The following GRAMD1B variants were observed in gnomAD, a reference collection of about 807,000 sequenced individuals.
GRAMD1B encodes GRAM domain containing 1B.
In GRAMD1B, 37 loss-of-function variants were observed where a neutral mutation model predicts 99.7. That is an observed-to-expected ratio of 0.37 (90% CI 0.29 to 0.49). The LOEUF (loss-of-function observed/expected upper bound fraction) is 0.49. Ranked by LOEUF, GRAMD1B falls within the 20% of genes least tolerant of loss-of-function variation. The probability of loss-of-function intolerance (pLI) is 0.98; values close to 1 mark genes in which losing one functional copy is unlikely to be tolerated. For missense variants in GRAMD1B, 888 were observed against 1,009.2 expected (o/e 0.88, Z 1.63); for synonymous variants, 427 against 387.6 (o/e 1.10, Z -1.19).
In GRAMD1B at chr11:123,501,445, A is replaced by G. The variant is rs1331519664; in HGVS notation, c.452+20552A>G. On this transcript the variant is annotated intron_variant, in intron 2 of 19. Coordinates refer to ENST00000635736, the MANE Select transcript of GRAMD1B (RefSeq NM_001387025.1). ...CTAGGCCTCCCAAAGAGCTGGGATT[A>G]CAGGTGTGAGCCACTGCGCCAGCCT... is the stretch of plus-strand genomic sequence containing the variant. 2.0e-5 allele frequency among the ~76,000 whole-genome samples: 3 copies of G among 152,202 alleles called. No individual in the cohort carries two copies. The East Asian group carries it at 5.8e-4, about 29-fold the overall frequency.
intron 1 of GRAMD1B, among the ~76,000 whole-genome samples, chr11:123,467,579 G>A (rs558788161): frequency 1.3e-5 from 2 of 152,110 alleles, no homozygotes; most frequent in South Asian, 4.2e-4. Flanking sequence ...CCTGGCATTA[G>A]GAAGATTCTG....
chr11:123,558,140 T>G (rs1946352354), intron 2 of GRAMD1B, among the ~76,000 whole-genome samples: 1 of 151,972 alleles, frequency 6.6e-6, no homozygotes, highest in Non-Finnish European at 1.5e-5. Flanking sequence ...TGTGCCACTA[T>G]GCCTGGCTAA....
intron 4 of GRAMD1B, among the ~76,000 whole-genome samples, chr11:123,592,425 A>G (rs1006460031): frequency 6.6e-6 from 1 of 152,162 alleles, no homozygotes; most frequent in Non-Finnish European, 1.5e-5. Context: ...GCAAAATGGG[A>G]TAATAAAAAT....
chr11:123,523,229 G>C (rs1034390928), intron 2 of GRAMD1B, among the ~76,000 whole-genome samples: 12 of 152,212 alleles, frequency 7.9e-5, no homozygotes, highest in African/African-American at 2.7e-4. Flanking sequence ...CTACTCGGGA[G>C]ACTGAGGCAG....
intron 1 of GRAMD1B, among the ~76,000 whole-genome samples, chr11:123,363,398 A>G (rs575903157): frequency 2.0e-5 from 3 of 152,320 alleles, no homozygotes; most frequent in South Asian, 4.1e-4. Context: ...AGAGAGTGGC[A>G]GACATGAAGC....
chr11:123,525,743 C>T lies in GRAMD1B; in HGVS notation c.452+44850C>T, dbSNP rs144382876. 3.4e-5 allele frequency: 8 copies of T among 233,868 alleles called. No homozygotes were observed. The East Asian group carries it at 8.5e-4, about 25-fold the overall frequency. 14.5% of individuals were successfully genotyped at this position (233,868 alleles called of 1,614,324 possible). A position where few individuals can be genotyped will look rare whatever the true frequency, so the allele number is the denominator to read the frequency against. The stretch of plus-strand genomic sequence containing the variant: ...TCCTTGGCTTCCTTCCCCAAAGCAG[C>T]TCAGAGCTGGTATGAGGTGAGGGTG... On this transcript the variant is annotated intron_variant, in intron 2 of 19. Transcript: ENST00000635736.
intron 1 of GRAMD1B, among the ~76,000 whole-genome samples, chr11:123,395,220 T>A (rs1947417976): frequency 6.6e-6 from 1 of 152,116 alleles, no homozygotes; most frequent in Non-Finnish European, 1.5e-5. Flanking sequence ...GGAAAGAAAA[T>A]TTCTGCAAAG....
chr11:123,599,002 T>G (rs1460615611), intron 7 of GRAMD1B: 1 of 1,085,446 alleles, frequency 9.2e-7, no homozygotes, highest in Non-Finnish European at 1.4e-6. Flanking sequence ...GCCTTCAGGT[T>G]AATGTACTTG....
intron 1 of GRAMD1B, among the ~76,000 whole-genome samples, chr11:123,444,146 A>C (rs536774208): frequency 2.0e-5 from 3 of 152,120 alleles, no homozygotes; most frequent in Non-Finnish European, 4.4e-5. Flanking sequence ...TAGTTATGTT[A>C]ATAGAGATTC....
intron 1 of GRAMD1B, among the ~76,000 whole-genome samples, chr11:123,398,896 T>C (rs181236585): frequency 6.6e-6 from 1 of 152,264 alleles, no homozygotes; most frequent in Non-Finnish European, 1.5e-5. Flanking sequence ...TCCAAAAATT[T>C]CCTCCCACCC....
rs1452259318 is a variant in GRAMD1B at position 123,522,278 on chromosome 11, A to G, written c.452+41385A>G. ...AGTCTTTACCTCAGAAAGCACTTCA[A>G]TGTCTCTTCAAAGCTATGTTTGGAT... On this transcript the variant is annotated intron_variant, in intron 2 of 19. Transcript: ENST00000635736. 7.2e-5 allele frequency among the ~76,000 whole-genome samples: 11 copies of G among 152,252 alleles called. 1 individual carries two copies. The highest frequency in any genetic ancestry group is 3.9e-4 in the Admixed American group (6 of 15,298).
chr11:123,526,029 C>A, intron 2 of GRAMD1B: 1 of 822,048 alleles, frequency 1.2e-6, no homozygotes, highest in Non-Finnish European at 2.1e-6. Flanking sequence ...GTGTTCAAGT[C>A]ACATTACATG....
At chr11:123,611,303 C>T (rs567076532) in intron 14 of GRAMD1B, among the ~76,000 whole-genome samples, 3 of 152,014 alleles carry the variant, frequency 2.0e-5, no homozygotes, top group African/African-American at 7.2e-5. Context: ...GGAGTGGTGG[C>T]GTGTACTGTA....
At chr11:123,486,602 TAGAATATTG>T (rs11279293) in intron 2 of GRAMD1B, among the ~76,000 whole-genome samples, 25,156 of 150,442 alleles carry the variant, frequency 0.17, 2,202 homozygotes, top group Middle Eastern at 0.22. Flanking sequence ...AAAGAAAGTG[TAGAATATTG>T]AGCATCTGCA....
chr11:123,525,250 T>C (rs566759781), intron 2 of GRAMD1B, among the ~76,000 whole-genome samples: 69 of 152,338 alleles, frequency 4.5e-4, no homozygotes, highest in African/African-American at 1.7e-3. Context: ...GTGCATTCTG[T>C]GTGCAGCACA....
chr11:123,548,679 C>T (rs1339237615), intron 2 of GRAMD1B, among the ~76,000 whole-genome samples: 2 of 152,080 alleles, frequency 1.3e-5, no homozygotes, highest in Non-Finnish European at 2.9e-5. Context: ...GCAATCATGG[C>T]TTACTGCAGC....
intron 1 of GRAMD1B, among the ~76,000 whole-genome samples, chr11:123,406,342 C>T (rs1158016717): frequency 6.6e-6 from 1 of 152,076 alleles, no homozygotes; most frequent in Non-Finnish European, 1.5e-5. Context: ...CAACCTCCAC[C>T]GACTGGGTTC....
chr11:123,381,010 A>C (rs1054721883), intron 1 of GRAMD1B, among the ~76,000 whole-genome samples: 1 of 151,934 alleles, frequency 6.6e-6, no homozygotes, highest in Admixed American at 6.6e-5. Context: ...CTTCCTATAG[A>C]TAGAACTCAT....
At chr11:123,538,211 G>A (rs911216130) in intron 2 of GRAMD1B, among the ~76,000 whole-genome samples, 1 of 152,028 alleles carries the variant, frequency 6.6e-6, no homozygotes, top group African/African-American at 2.4e-5. Flanking sequence ...TATACTGGGA[G>A]CTTTTGCAGC....
Sources: allele counts gnomAD v4.1 joint callset (sites outside exome capture counted in the v4.1 genomes callset), GRCh38; gene constraint gnomAD v4.1.1; transcripts MANE v1.5; gene names NCBI Gene and HGNC (gene_info 2026-07-23, HGNC 2026-07-21).